PARVA: variants seen among roughly 807,000 people sequenced by gnomAD.
PARVA encodes parvin alpha, also known as alpha-parvin.
In PARVA, 25 loss-of-function variants were observed where a neutral mutation model predicts 52.6. That is an observed-to-expected ratio of 0.48 (90% CI 0.35 to 0.66). PARVA has a LOEUF of 0.66. Among genes scored for constraint, PARVA ranks in the 30% least tolerant of loss-of-function variants. The pLI, the probability that PARVA is intolerant of heterozygous loss-of-function variation, is 0.01. For missense variants in PARVA, 373 were observed against 450.9 expected, an observed-to-expected ratio of 0.83 and a Z score of 1.56; for synonymous variants, 185 against 179.1, an observed-to-expected ratio of 1.03 and a Z score of -0.26.
chr11:12,482,944 C>T (rs1259329898), intron 4 of PARVA, among the ~76,000 whole-genome samples: 1 of 152,218 alleles, frequency 6.6e-6, no homozygotes, highest in Non-Finnish European at 1.5e-5. Context: ...GTATATGTTT[C>T]GTTGCTGTGG....
intron 1 of PARVA, among the ~76,000 whole-genome samples, chr11:12,446,163 C>T (rs1016635698): frequency 7.9e-5 from 12 of 152,198 alleles, no homozygotes; most frequent in Non-Finnish European, 1.8e-4. Context: ...AATATCCAAA[C>T]ACTTCGAGGG....
intron 12 of PARVA, 107 bp downstream of exon 12, chr11:12,518,624 C>A: frequency 2.4e-6 from 2 of 828,102 alleles, no homozygotes; most frequent in Non-Finnish European, 4.1e-6. Context: ...GCCTTCGTTG[C>A]TGGGGAAGGT....
intron 1 of PARVA, among the ~76,000 whole-genome samples, chr11:12,378,862 A>G (rs1263120436): frequency 2.6e-5 from 4 of 152,240 alleles, no homozygotes; most frequent in Non-Finnish European, 4.4e-5. Context: ...CCAGACCCCA[A>G]GAGAGGGTTC....
At chr11:12,443,084 A>G (rs187931302) in intron 1 of PARVA, among the ~76,000 whole-genome samples, 348 of 148,196 alleles carry the variant, frequency 2.3e-3, no homozygotes, top group African/African-American at 7.7e-3. Flanking sequence ...GATGGTCTTG[A>G]TCTCCTGATC....
chr11:12,488,407 C>T (rs1241030553), intron 4 of PARVA, among the ~76,000 whole-genome samples: 1 of 152,052 alleles, frequency 6.6e-6, no homozygotes, highest in Non-Finnish European at 1.5e-5. Context: ...CTTCTGATTC[C>T]AAGAACAAGA....
At chr11:12,461,169 C>G (rs978976229) in intron 1 of PARVA, among the ~76,000 whole-genome samples, 11 of 152,160 alleles carry the variant, frequency 7.2e-5, no homozygotes, top group African/African-American at 2.7e-4. Flanking sequence ...TCTTTGTATT[C>G]ATAGCTCCTG....
chr11:12,377,226 G>C (rs1939403327), upstream of PARVA: 5 of 342,262 alleles, frequency 1.5e-5, no homozygotes, highest in Non-Finnish European at 2.6e-5. Context: ...ACCAGCCGCC[G>C]GCTGGAAGAC....
At chr11:12,520,493 C>T (rs1941622790) in intron 12 of PARVA, among the ~76,000 whole-genome samples, 1 of 152,222 alleles carries the variant, frequency 6.6e-6, no homozygotes, top group Non-Finnish European at 1.5e-5. Context: ...CAGGAAAATG[C>T]ATTCTCTGCT....
chr11:12,465,375 T>C (rs1170402699), intron 1 of PARVA, among the ~76,000 whole-genome samples: 1 of 152,188 alleles, frequency 6.6e-6, no homozygotes, highest in African/African-American at 2.4e-5. Context: ...TCCATAACTG[T>C]AAGAAATATT....
At chr11:12,501,587 C>G (rs971970620) in intron 5 of PARVA, among the ~76,000 whole-genome samples, 1 of 152,176 alleles carries the variant, frequency 6.6e-6, no homozygotes, top group Non-Finnish European at 1.5e-5. Context: ...ACTTTTAGAA[C>G]AAAGGATTTC....
intron 1 of PARVA, among the ~76,000 whole-genome samples, chr11:12,441,346 T>C (rs1940463289): frequency 1.4e-5 from 1 of 74,060 alleles, no homozygotes; most frequent in East Asian, 4.4e-4. Context: ...GGTAGAAAAC[T>C]TTTTTTTTTT....
chr11:12,484,590 C>T (rs1941133929), intron 4 of PARVA, among the ~76,000 whole-genome samples: 1 of 150,642 alleles, frequency 6.6e-6, no homozygotes, highest in African/African-American at 2.4e-5. Flanking sequence ...GTGCATTTTA[C>T]ACTGATCTTA....
chr11:12,453,088 G>C (rs543885074), intron 1 of PARVA: 8 of 454,206 alleles, frequency 1.8e-5, no homozygotes, highest in Admixed American at 7.1e-5. Context: ...TTCTTTGTTG[G>C]GGGGGCGCCC....
At chr11:12,383,746 A>AT (rs111447096) in intron 1 of PARVA, among the ~76,000 whole-genome samples, 3,376 of 151,974 alleles carry the variant, frequency 0.022, 101 homozygotes, top group African/African-American at 0.072. Flanking sequence ...CTTTTTCTTA[A>AT]TTTTTTTTGA....
At position 12,406,661 on chromosome 11, in the gene PARVA, GTTTTTTTTTTT is replaced by G. The variant is rs571973101; in HGVS notation, c.136+28895_136+28905del. Among the ~76,000 whole-genome samples, 14 of 77,792 alleles carry G rather than the reference GTTTTTTTTTTT, an allele frequency of 1.8e-4. No homozygotes were observed. The South Asian group carries it at 4.5e-3, about 25-fold the overall frequency. The allele number at this position is 77,792 out of a possible 152,430, so 51.0% of individuals were successfully genotyped here. A position where few individuals can be genotyped will look rare whatever the true frequency, so the allele number is the denominator to read the frequency against. ...ATTGTTAGCTATTTAGGTTGTATCT[GTTTTTTTTTTT>G]TTTTTTTTTTTTTTTTGAGACGGAG... is the stretch of plus-strand genomic sequence containing the variant. On this transcript the variant is annotated intron_variant, in intron 1 of 12. Coordinates refer to ENST00000334956, the MANE Select transcript of PARVA (RefSeq NM_018222.5).
intron 8 of PARVA, 68 bp from the exon 9 acceptor site, chr11:12,513,231 G>C: frequency 7.1e-7 from 1 of 1,411,810 alleles, no homozygotes; most frequent in South Asian, 1.1e-5. Context: ...GTGGCTCTGG[G>C]ACCCAAGGTG....
chr11:12,516,741 C>T (rs1157626438), intron 10 of PARVA, among the ~76,000 whole-genome samples: 1 of 152,230 alleles, frequency 6.6e-6, no homozygotes, highest in South Asian at 2.1e-4. Flanking sequence ...TAGCAGTTTA[C>T]AGGCCCTCTC....
At chr11:12,410,656 T>G (rs1426225752) in intron 1 of PARVA, among the ~76,000 whole-genome samples, 1 of 152,224 alleles carries the variant, frequency 6.6e-6, no homozygotes, top group Non-Finnish European at 1.5e-5. Flanking sequence ...CAGCCCATCT[T>G]TCACACTGTA....
At chr11:12,491,013 A>T (rs1941227836) in intron 4 of PARVA, among the ~76,000 whole-genome samples, 1 of 152,222 alleles carries the variant, frequency 6.6e-6, no homozygotes, top group East Asian at 1.9e-4. Flanking sequence ...TAATCCAAAA[A>T]AAAACAAGGC....
Sources: allele counts gnomAD v4.1 joint callset (sites outside exome capture counted in the v4.1 genomes callset), GRCh38; gene constraint gnomAD v4.1.1; transcripts MANE v1.5; gene names NCBI Gene and HGNC (gene_info 2026-07-23, HGNC 2026-07-21).